SLC71A2: variants seen among roughly 807,000 people sequenced by gnomAD.
SLC71A2 encodes hippocampus abundant transcript-like 1.
the SLC71A2 span, among the ~76,000 whole-genome samples, chr9:94,439,517 T>G: frequency 6.7e-6 from 1 of 149,564 alleles, no homozygotes. Context: ...GGAAGTTTTG[T>G]TTTGGTTTTT....
chr9:94,456,121 A>G, the SLC71A2 span: 2 of 619,468 alleles, frequency 3.2e-6, no homozygotes, highest in African/African-American at 1.9e-5. Context: ...AGAGGAAAAA[A>G]TAAATAAAAT....
chr9:94,442,449 A>G, the SLC71A2 span, among the ~76,000 whole-genome samples: 2 of 152,054 alleles, frequency 1.3e-5, no homozygotes, highest in Non-Finnish European at 2.9e-5. Context: ...CTCTCATGTC[A>G]TGCCCTAAAA....
the SLC71A2 span, among the ~76,000 whole-genome samples, chr9:94,402,401 GT>G: frequency 6.6e-6 from 1 of 151,810 alleles, no homozygotes; most frequent in Non-Finnish European, 1.5e-5. Flanking sequence ...ATACAGTTTG[GT>G]TTTTTTAATA....
the SLC71A2 span, among the ~76,000 whole-genome samples, chr9:94,378,614 A>G: frequency 4.6e-5 from 7 of 152,212 alleles, no homozygotes; most frequent in South Asian, 2.1e-4. Flanking sequence ...AAAACAAACA[A>G]TAAACAAAAC....
At chr9:94,446,811 G>A in the SLC71A2 span, 4 of 1,432,138 alleles carry the variant, frequency 2.8e-6, no homozygotes, top group Non-Finnish European at 3.9e-6. Context: ...TGTTCTTTCT[G>A]CTTATTCTCA....
chr9:94,458,928 C>T, the SLC71A2 span, among the ~76,000 whole-genome samples: 1 of 152,166 alleles, frequency 6.6e-6, no homozygotes, highest in African/African-American at 2.4e-5. Context: ...TACAAGCTTA[C>T]AGTTTTGCTT....
chr9:94,392,271 T>G, the SLC71A2 span, among the ~76,000 whole-genome samples: 81 of 151,184 alleles, frequency 5.4e-4, 1 homozygote, highest in East Asian at 0.015. Context: ...TTCATCCTTA[T>G]TATTGATACT....
chr9:94,449,781 ATCAT>A, the SLC71A2 span, among the ~76,000 whole-genome samples: 1 of 152,270 alleles, frequency 6.6e-6, no homozygotes, highest in African/African-American at 2.4e-5. Flanking sequence ...TACACAGATT[ATCAT>A]TCATAATGTC....
the SLC71A2 span, chr9:94,460,163 A>T: frequency 6.6e-6 from 1 of 152,476 alleles, no homozygotes; most frequent in East Asian, 1.9e-4. Flanking sequence ...AGAAGAAAAA[A>T]ACAACTCAAG....
chr9:94,458,471 T>C, the SLC71A2 span: 3 of 1,613,324 alleles, frequency 1.9e-6, no homozygotes, highest in Non-Finnish European at 2.5e-6. Context: ...GCAGGTAATT[T>C]GGTCATAAGT....
At chr9:94,419,147 C>T in the SLC71A2 span, among the ~76,000 whole-genome samples, 28 of 151,680 alleles carry the variant, frequency 1.8e-4, no homozygotes, top group South Asian at 5.8e-3. Context: ...AGGGTCTTGC[C>T]CTGTTGCCTA....
At chr9:94,392,551 A>AG in the SLC71A2 span, among the ~76,000 whole-genome samples, 2 of 151,386 alleles carry the variant, frequency 1.3e-5, no homozygotes, top group African/African-American at 4.9e-5. Context: ...GCCAGGCTGG[A>AG]GTGCAGTGGT....
At chr9:94,459,213 T>C in the SLC71A2 span, 5 of 1,614,066 alleles carry the variant, frequency 3.1e-6, no homozygotes, top group East Asian at 2.2e-5. Context: ...ATAGTCCTTA[T>C]GTCTTTTCTG....
At chr9:94,382,920 C>T in the SLC71A2 span, among the ~76,000 whole-genome samples, 1 of 152,180 alleles carries the variant, frequency 6.6e-6, no homozygotes, top group East Asian at 1.9e-4. Flanking sequence ...GTCTCAATCT[C>T]CTGACCTCGT....
the SLC71A2 span, among the ~76,000 whole-genome samples, chr9:94,379,672 T>C: frequency 6.6e-6 from 1 of 152,188 alleles, no homozygotes. Context: ...ATTATAGGCA[T>C]GAGCCACCAT....
At chr9:94,455,667 A>AC in the SLC71A2 span, among the ~76,000 whole-genome samples, 1 of 152,090 alleles carries the variant, frequency 6.6e-6, no homozygotes, top group African/African-American at 2.4e-5. Flanking sequence ...TTCAGTAATG[A>AC]CCATCCCAAA....
chr9:94,414,587 A>T, the SLC71A2 span, among the ~76,000 whole-genome samples: 1 of 152,142 alleles, frequency 6.6e-6, no homozygotes, highest in Admixed American at 6.5e-5. Flanking sequence ...TTGGAAACTT[A>T]GTTTCTTGAA....
At chr9:94,451,344 T>C in the SLC71A2 span, 2 of 506,356 alleles carry the variant, frequency 3.9e-6, no homozygotes, top group Middle Eastern at 5.4e-4. Flanking sequence ...CATGTCTTAA[T>C]TTGCCACTGG....
chr9:94,396,361 A>G, the SLC71A2 span, among the ~76,000 whole-genome samples: 1 of 152,156 alleles, frequency 6.6e-6, no homozygotes, highest in South Asian at 2.1e-4. Flanking sequence ...ACTAAAATAC[A>G]AAAATTAGCC....
Sources: allele counts gnomAD v4.1 joint callset (sites outside exome capture counted in the v4.1 genomes callset), GRCh38; gene constraint gnomAD v4.1.1; transcripts MANE v1.5; gene names NCBI Gene and HGNC (gene_info 2026-07-23, HGNC 2026-07-21).